Variants in MACF1 observed in about 807,000 individuals in gnomAD.
MACF1 encodes microtubule-actin cross-linking factor 1.
MACF1 carries 193 observed loss-of-function variants against 854.8 expected under a neutral mutation model. The ratio of observed to expected loss-of-function variants is 0.23; its 90% CI spans 0.20 to 0.25. The LOEUF is 0.25. Ranked by LOEUF, MACF1 falls within the 10% of genes least tolerant of loss-of-function variation. The pLI, the probability that MACF1 is intolerant of heterozygous loss-of-function variation, is 1.00. For synonymous variants in MACF1, 3,185 were observed against 3,226.7 expected (o/e 0.99, Z 0.44); for missense variants, 7,722 against 8,929.1 (o/e 0.86, Z 5.45).
Position 39,335,698 on chromosome 1 carries a change from T to C in MACF1, c.9110T>C (p.Ile3037Thr). Reference sequence around the variant, plus strand: ...GCTGATACAGAAATGGGATTTTCTATTACTTTTAAAATTGAAGAGTCCTCT... The same window carrying C: ...GCTGATACAGAAATGGGATTTTCTACTACTTTTAAAATTGAAGAGTCCTCT... Reference protein sequence around the residue: ...KEADTEMGFSITFKIEESSSQ... With the variant: ...KEADTEMGFSTTFKIEESSSQ... The change falls in exon 37 of 101, where the codon ATT (isoleucine) becomes ACT (threonine). Residue 3037 changes from isoleucine to threonine, a missense_variant. Coordinates refer to ENST00000564288, the MANE Select transcript of MACF1 (RefSeq NM_001394062.1). The C allele has an allele frequency of 6.2e-7, 1 of 1,613,340 alleles. No homozygotes were observed.
intron 2 of MACF1, among the ~76,000 whole-genome samples, chr1:39,120,319 TC>T (rs901416296): frequency 2.0e-5 from 3 of 152,182 alleles, no homozygotes; most frequent in African/African-American, 7.2e-5. Flanking sequence ...CTCCTGGAAC[TC>T]CCTGTTATCA....
chr1:39,419,188 G>A (rs1643437884), intron 58 of MACF1, among the ~76,000 whole-genome samples: 1 of 152,188 alleles, frequency 6.6e-6, no homozygotes, highest in South Asian at 2.1e-4. Flanking sequence ...ATTCAAAATA[G>A]ATAATATTTA....
intron 65 of MACF1, 125 bp from the exon 66 acceptor site, chr1:39,430,577 T>A (rs1643863024): frequency 1.4e-5 from 10 of 712,564 alleles, no homozygotes; most frequent in Non-Finnish European, 2.4e-5. Context: ...GAGAAAAAAA[T>A]AACTGAAGGA....
At chr1:39,475,706 G>C (rs2124181860) in intron 97 of MACF1, among the ~76,000 whole-genome samples, 1 of 152,260 alleles carries the variant, frequency 6.6e-6, no homozygotes, top group African/African-American at 2.4e-5. Flanking sequence ...CTACGTTGGT[G>C]CCAGGGTTTT....
intron 2 of MACF1, among the ~76,000 whole-genome samples, chr1:39,115,386 A>G (rs1248752538): frequency 6.6e-6 from 1 of 152,090 alleles, no homozygotes; most frequent in East Asian, 1.9e-4. Flanking sequence ...GTGGTATATG[A>G]GGGGGAGAGG....
chr1:39,350,088 A>G (rs1647145421), intron 42 of MACF1, among the ~76,000 whole-genome samples: 1 of 152,262 alleles, frequency 6.6e-6, no homozygotes, highest in Non-Finnish European at 1.5e-5. Context: ...ATTAACTGTT[A>G]TATCTGTGAA....
At chr1:39,201,989 T>C (rs1444745946), upstream of MACF1, among the ~76,000 whole-genome samples, 1 of 103,290 alleles carries the variant, frequency 9.7e-6, no homozygotes, top group Non-Finnish European at 1.8e-5. Flanking sequence ...TTTTTTGAGA[T>C]GCACTCTCAC....
intron 56 of MACF1, among the ~76,000 whole-genome samples, chr1:39,385,201 G>A (rs927236716): frequency 1.3e-5 from 2 of 152,120 alleles, no homozygotes; most frequent in African/African-American, 4.8e-5. Context: ...CCGAGTAGCT[G>A]GGACTACAGG....
At chr1:39,190,395 GTTTTTGTT>G (rs1193988230) in intron 2 of MACF1, among the ~76,000 whole-genome samples, 25 of 79,040 alleles carry the variant, frequency 3.2e-4, no homozygotes, top group Non-Finnish European at 5.4e-4. Context: ...GTGTGTGTTT[GTTTTTGTT>G]TTTTTTTTTT....
intron 58 of MACF1, among the ~76,000 whole-genome samples, chr1:39,398,163 A>C (rs1406380981): frequency 6.9e-6 from 1 of 144,108 alleles, no homozygotes; most frequent in Non-Finnish European, 1.5e-5. Flanking sequence ...TTTTTTAAAC[A>C]GTTTCACTCC....
At chr1:39,411,689 T>C (rs747818338) in intron 58 of MACF1, 1 of 1,613,802 alleles carries the variant, frequency 6.2e-7, no homozygotes, top group Non-Finnish European at 8.5e-7. Flanking sequence ...AAGGAGTGTT[T>C]ATGTGAAGAA....
chr1:39,433,165 A>G lies in MACF1; in HGVS notation c.17565+10A>G. ...AAAAACTGTATTACAGGTGAATTACATTTATTTATTTGCCATATTGTTCCT... is the reference window on the plus strand; with the variant it reads ...AAAAACTGTATTACAGGTGAATTACGTTTATTTATTTGCCATATTGTTCCT... On this transcript the variant is annotated intron_variant, in intron 68 of 100. Coordinates refer to ENST00000564288, the MANE Select transcript of MACF1 (RefSeq NM_001394062.1). The G allele has an allele frequency of 6.8e-6, 10 of 1,478,496 alleles. No homozygotes were observed. Among genetic ancestry groups the G allele is most frequent in the Non-Finnish European group, 8.5e-6 (9 of 1,064,664 alleles). 91.6% of individuals were successfully genotyped at this position (1,478,496 alleles called of 1,614,324 possible). A position where few individuals can be genotyped will look rare whatever the true frequency, so the allele number is the denominator to read the frequency against.
At chr1:39,458,215 A>G (rs1644481102) in intron 89 of MACF1, 155 bp from the exon 90 acceptor site, 1 of 635,752 alleles carries the variant, frequency 1.6e-6, no homozygotes, top group South Asian at 2.3e-5. Context: ...CAAATATCCA[A>G]ACTACATCCC....
intron 2 of MACF1, among the ~76,000 whole-genome samples, chr1:39,194,343 TTTC>T (rs1375530522): frequency 1.3e-3 from 81 of 64,370 alleles, no homozygotes; most frequent in African/African-American, 5.2e-3. Context: ...TTTCTTTTCT[TTTC>T]TTTTCTTTTT....
At chr1:39,474,926 G>A (rs1423538492) in intron 97 of MACF1, among the ~76,000 whole-genome samples, 1 of 152,148 alleles carries the variant, frequency 6.6e-6, no homozygotes, top group African/African-American at 2.4e-5. Context: ...GAACAGAAGT[G>A]TCAACAGCTG....
chr1:39,422,244 C>T, intron 58 of MACF1, 130 bp from the exon 59 acceptor site: 1 of 657,986 alleles, frequency 1.5e-6, no homozygotes. Context: ...CGTGCAAATG[C>T]TTGTTCTTTC....
intron 2 of MACF1, among the ~76,000 whole-genome samples, chr1:39,155,715 T>G (rs547902869): frequency 1.9e-4 from 29 of 152,320 alleles, no homozygotes; most frequent in African/African-American, 7.0e-4. Flanking sequence ...TAGTTAAGAC[T>G]TAGTATTTTA....
At chr1:39,355,267 T>C (rs948694470) in intron 44 of MACF1, among the ~76,000 whole-genome samples, 4 of 152,140 alleles carry the variant, frequency 2.6e-5, no homozygotes, top group Non-Finnish European at 4.4e-5. Context: ...TCTGACACCT[T>C]TTGCTGGCAG....
At position 39,187,895 on chromosome 1, in the gene MACF1, T is replaced by TCTC. The variant is rs1553160212; in HGVS notation, c.221-43286_221-43284dup. 7.7e-3 allele frequency among the ~76,000 whole-genome samples: 530 copies of TCTC among 68,458 alleles called. 11 individuals are homozygous for TCTC. Among genetic ancestry groups the TCTC allele is most frequent in the African/African-American group, 0.026 (490 of 19,136 alleles). 44.9% of individuals were successfully genotyped at this position (68,458 alleles called of 152,430 possible). The stretch of plus-strand genomic sequence containing the variant: ...CTCTCTCTCTCTGTCTCTCTCTCTC[T>TCTC]CTCTCTCCTCTCTCCTTCCTTCCTT... On this transcript the variant is annotated intron_variant, in intron 2 of 93. Coordinates refer to the MACF1 transcript ENST00000361689.
Sources: allele counts gnomAD v4.1 joint callset (sites outside exome capture counted in the v4.1 genomes callset), GRCh38; gene constraint gnomAD v4.1.1; transcripts MANE v1.5; gene names NCBI Gene and HGNC (gene_info 2026-07-23, HGNC 2026-07-21).